The following EPHA5 variants were observed in gnomAD, a reference collection of about 807,000 sequenced individuals.
EPHA5 encodes the protein ephrin type-A receptor 5.
In EPHA5, 60 loss-of-function variants were observed where a neutral mutation model predicts 105.0. The ratio of observed to expected loss-of-function variants is 0.57; its 90% CI spans 0.46 to 0.71. The LOEUF (loss-of-function observed/expected upper bound fraction) is 0.71. Ranked by LOEUF, EPHA5 falls within the 30% of genes least tolerant of loss-of-function variation. EPHA5 has a pLI of 0.00. For missense variants in EPHA5, 1,218 were observed against 1,274.7 expected (o/e 0.96, Z 0.68); for synonymous variants, 513 against 449.1 (o/e 1.14, Z -1.80).
chr4:65,466,364 G>C (rs1728716587), intron 5 of EPHA5, among the ~76,000 whole-genome samples: 1 of 152,224 alleles, frequency 6.6e-6, no homozygotes, highest in African/African-American at 2.4e-5. Context: ...TAAAGTGAGT[G>C]AGTGAGAAAG....
intron 3 of EPHA5, among the ~76,000 whole-genome samples, chr4:65,509,062 T>C (rs1315025681): frequency 6.6e-6 from 1 of 152,144 alleles, no homozygotes; most frequent in Non-Finnish European, 1.5e-5. Context: ...CAAAACCAAC[T>C]GGCTAATGAA....
intron 1 of EPHA5, among the ~76,000 whole-genome samples, chr4:65,658,453 T>C (rs949335971): frequency 3.3e-5 from 5 of 152,116 alleles, no homozygotes; most frequent in Admixed American, 6.6e-5. Flanking sequence ...GTTTTTCTTC[T>C]GGCATTTCCA....
chr4:65,454,293 A>T (rs909187974), intron 5 of EPHA5, among the ~76,000 whole-genome samples: 3 of 151,360 alleles, frequency 2.0e-5, no homozygotes, highest in Non-Finnish European at 4.4e-5. Flanking sequence ...ATAATAATAA[A>T]TAATAATAAT....
At chr4:65,630,759 G>C (rs976292179) in intron 2 of EPHA5, among the ~76,000 whole-genome samples, 1 of 152,160 alleles carries the variant, frequency 6.6e-6, no homozygotes, top group East Asian at 1.9e-4. Flanking sequence ...GTAACAGTCA[G>C]AAGCAGGAAC....
intron 2 of EPHA5, among the ~76,000 whole-genome samples, chr4:65,612,169 G>T (rs915886443): frequency 6.6e-6 from 1 of 152,048 alleles, no homozygotes; most frequent in Non-Finnish European, 1.5e-5. Flanking sequence ...GATTTAGGAG[G>T]TATAAGTGCT....
chr4:65,643,550 A>G (rs1747853557), intron 1 of EPHA5, 123 bp from the exon 2 acceptor site: 1 of 679,554 alleles, frequency 1.5e-6, no homozygotes, highest in African/African-American at 1.8e-5. Context: ...GTTCATTATG[A>G]TGAATACAAT....
chr4:65,530,672 G>A (rs1420641211), intron 3 of EPHA5, among the ~76,000 whole-genome samples: 2 of 152,158 alleles, frequency 1.3e-5, no homozygotes, highest in African/African-American at 4.8e-5. Flanking sequence ...ACAGACTTCT[G>A]ATAATTTTCT....
At position 65,319,632 on chromosome 4, in the gene EPHA5, T is replaced by C. The variant is rs1407768129; in HGVS notation, c.*4482A>G. ...TTCATATCTTACACTACAAAAAGCA[T>C]GTACACAAACCAAATGCACATAAAG... On this transcript the variant is annotated 3_prime_UTR_variant, in exon 17 of 17. Transcript: ENST00000613740. 1 of 218,822 alleles carries C rather than the reference T, an allele frequency of 4.6e-6. No individual in the cohort carries two copies. Among genetic ancestry groups the C allele is most frequent in the Admixed American group, 5.8e-5 (1 of 17,164 alleles). 13.6% of individuals were successfully genotyped at this position (218,822 alleles called of 1,614,324 possible). A position where few individuals can be genotyped will look rare whatever the true frequency, so the allele number is the denominator to read the frequency against.
intron 7 of EPHA5, among the ~76,000 whole-genome samples, chr4:65,412,842 A>G (rs1230273494): frequency 6.6e-6 from 1 of 152,110 alleles, no homozygotes; most frequent in African/African-American, 2.4e-5. Flanking sequence ...CTGAAGAAAA[A>G]CCAGTTGCTG....
chr4:65,400,687 A>G (rs761396854), intron 8 of EPHA5, among the ~76,000 whole-genome samples: 1 of 152,084 alleles, frequency 6.6e-6, no homozygotes, highest in African/African-American at 2.4e-5. Flanking sequence ...GAATTTTAAA[A>G]GTTAACCTTT....
chr4:65,331,404 G>C (rs1328928104), intron 16 of EPHA5: 1 of 1,044,860 alleles, frequency 9.6e-7, no homozygotes, highest in Non-Finnish European at 1.2e-6. Flanking sequence ...GGGCACAATT[G>C]GTTCCACTGA....
chr4:65,571,435 C>T (rs1266624423), intron 3 of EPHA5, among the ~76,000 whole-genome samples: 1 of 151,760 alleles, frequency 6.6e-6, no homozygotes, highest in South Asian at 2.1e-4. Flanking sequence ...ACTAGTATTG[C>T]TTTTAAAATC....
intron 8 of EPHA5, among the ~76,000 whole-genome samples, chr4:65,385,447 A>T (rs28423981): frequency 0.059 from 8,960 of 151,966 alleles, 871 homozygotes; most frequent in African/African-American, 0.2. Context: ...GAATGTGTGT[A>T]TTTTGTGATA....
chr4:65,477,786 G>C (rs1320326879), intron 5 of EPHA5, among the ~76,000 whole-genome samples: 1 of 152,124 alleles, frequency 6.6e-6, no homozygotes, highest in Non-Finnish European at 1.5e-5. Flanking sequence ...GATATTGCTA[G>C]TATCAAATAA....
intron 4 of EPHA5, among the ~76,000 whole-genome samples, chr4:65,492,936 C>T (rs570292667): frequency 2.6e-5 from 4 of 151,412 alleles, no homozygotes; most frequent in East Asian, 1.9e-4. Flanking sequence ...ACAGGATTAA[C>T]CTCTGAGAAA....
intron 3 of EPHA5, among the ~76,000 whole-genome samples, chr4:65,572,377 G>A (rs73824317): frequency 0.015 from 2,242 of 151,996 alleles, 54 homozygotes; most frequent in African/African-American, 0.051. Flanking sequence ...ACTCTCCAAC[G>A]CAGGCATGCT....
chr4:65,567,411 T>C (rs1197602909), intron 3 of EPHA5, among the ~76,000 whole-genome samples: 3 of 151,562 alleles, frequency 2.0e-5, no homozygotes, highest in Non-Finnish European at 4.4e-5. Context: ...ACTGGTGACA[T>C]ATTGGTGTAT....
At chr4:65,669,427 C>G (rs1194880926) in intron 1 of EPHA5, 135 bp downstream of exon 1, 1 of 1,244,094 alleles carries the variant, frequency 8.0e-7, no homozygotes, top group Admixed American at 4.2e-5. Flanking sequence ...TGGAAGGGGA[C>G]GACAAATACC....
intron 3 of EPHA5, among the ~76,000 whole-genome samples, chr4:65,558,968 T>C (rs1738741768): frequency 6.6e-6 from 1 of 152,156 alleles, no homozygotes; most frequent in Admixed American, 6.6e-5. Context: ...ACCCAACAGA[T>C]AGTTTTTCAA....
Sources: gnomAD v4.1 joint callset for allele counts (sites outside exome capture counted in the v4.1 genomes callset) on GRCh38, gnomAD v4.1.1 for gene constraint, MANE v1.5 for transcripts, NCBI Gene and HGNC (gene_info 2026-07-23, HGNC 2026-07-21) for gene names.